The following SPIRE1 variants were observed in gnomAD, a reference collection of about 807,000 sequenced individuals.
SPIRE1 encodes the protein protein spire homolog 1.
A neutral mutation model predicts 94.1 loss-of-function variants in SPIRE1; 40 were observed. The observed-to-expected ratio is 0.43, with a 90% CI of 0.33 to 0.55. The LOEUF is 0.55. SPIRE1 is among the 20% of genes least tolerant of loss of function. The pLI is 0.06. For synonymous variants in SPIRE1, 376 were observed against 371.7 expected, an observed-to-expected ratio of 1.01 and a Z score of -0.13; for missense variants, 838 against 975.2, an observed-to-expected ratio of 0.86 and a Z score of 1.87.
At chr18:12,521,730 A>C (rs914190778) in intron 4 of SPIRE1, among the ~76,000 whole-genome samples, 1 of 152,078 alleles carries the variant, frequency 6.6e-6, no homozygotes, top group Non-Finnish European at 1.5e-5. Context: ...CTCACTTTGT[A>C]TCTTTCTGTC....
rs114218891 is a variant in SPIRE1 at position 12,534,691 on chromosome 18, C to T, written c.729+785G>A. Among the ~76,000 whole-genome samples, 1,171 of 152,276 alleles carry T rather than the reference C, an allele frequency of 7.7e-3. 22 individuals carry two copies. The highest frequency in any genetic ancestry group is 0.026 in the African/African-American group (1,079 of 41,566). The stretch of plus-strand genomic sequence containing the variant: ...CTGTGCTGCTGGAATAACAGGGTCT[C>T]CAGCTTGCAGACACCCTGTCATGGG... On this transcript the variant is annotated intron_variant, in intron 4 of 16. Transcript: ENST00000409402.
At chr18:12,501,930 C>T (rs189636201) in intron 6 of SPIRE1, among the ~76,000 whole-genome samples, 5 of 152,318 alleles carry the variant, frequency 3.3e-5, no homozygotes, top group African/African-American at 1.2e-4. Flanking sequence ...CCACTGCACT[C>T]CAGCCCAGGC....
At chr18:12,492,989 CTT>C (rs2033295057) in intron 8 of SPIRE1, 81 bp downstream of exon 8, 1 of 1,460,056 alleles carries the variant, frequency 6.8e-7, no homozygotes, top group African/African-American at 1.4e-5. Flanking sequence ...AATGAGAACT[CTT>C]TACTTTCATG....
intron 12 of SPIRE1, among the ~76,000 whole-genome samples, chr18:12,461,962 A>G (rs1720303965): frequency 6.6e-6 from 1 of 152,180 alleles, no homozygotes; most frequent in Non-Finnish European, 1.5e-5. Flanking sequence ...TTGTGATAAT[A>G]GCTGTATATT....
In SPIRE1 at chr18:12,513,457, G is replaced by C. The variant is rs938943933; in HGVS notation, c.730-926C>G. ...GTTTAAATGCACTGTATGAAATCTA[G>C]CTTGTTTTATATGAGAATAATGAAT... is the stretch of plus-strand genomic sequence containing the variant. On this transcript the variant is annotated intron_variant, in intron 4 of 16. Coordinates refer to ENST00000409402, the MANE Select transcript of SPIRE1 (RefSeq NM_001128626.2). 3.3e-5 allele frequency among the ~76,000 whole-genome samples: 5 copies of C among 151,732 alleles called. No homozygotes were observed. In the East Asian group the frequency reaches 7.7e-4, roughly 23 times the overall value.
At chr18:12,547,127 T>C (rs1408709123) in intron 2 of SPIRE1, among the ~76,000 whole-genome samples, 1 of 152,196 alleles carries the variant, frequency 6.6e-6, no homozygotes, top group African/African-American at 2.4e-5. Flanking sequence ...TTCCCAAAGG[T>C]ATTTCTGAGA....
intron 7 of SPIRE1, among the ~76,000 whole-genome samples, chr18:12,494,590 G>A (rs541873289): frequency 1.3e-4 from 19 of 151,930 alleles, no homozygotes; most frequent in South Asian, 2.1e-4. Context: ...AGCACTTTGG[G>A]AGGCCGAGGT....
chr18:12,635,053 T>A lies in SPIRE1; in HGVS notation c.372+9A>T, dbSNP rs1289265656. On this transcript the variant is annotated intron_variant, in intron 2 of 16. Transcript: ENST00000409402. ...GCTTTACTAAGAAATATTTGAGTAT[T>A]TCACTTACCTCTGTTTCCATACATT... 1 of 1,438,978 alleles carries A rather than the reference T, an allele frequency of 6.9e-7. No individual in the cohort carries two copies. Among genetic ancestry groups the A allele is most frequent in the Non-Finnish European group, 9.5e-7 (1 of 1,047,760 alleles). 89.1% of individuals were successfully genotyped at this position (1,438,978 alleles called of 1,614,324 possible). A position where few individuals can be genotyped will look rare whatever the true frequency, so the allele number is the denominator to read the frequency against.
At chr18:12,518,958 A>G (rs1278280976) in intron 4 of SPIRE1, among the ~76,000 whole-genome samples, 5 of 152,218 alleles carry the variant, frequency 3.3e-5, no homozygotes, top group African/African-American at 9.6e-5. Flanking sequence ...AAAAAGTTAT[A>G]GCAGTTGTTC....
At chr18:12,533,044 G>A (rs1233208708) in intron 4 of SPIRE1, among the ~76,000 whole-genome samples, 2 of 152,230 alleles carry the variant, frequency 1.3e-5, no homozygotes, top group South Asian at 2.1e-4. Flanking sequence ...AGGGGAACAA[G>A]TGTTGTCAGA....
intron 2 of SPIRE1, among the ~76,000 whole-genome samples, chr18:12,598,410 A>G (rs1308077661): frequency 1.3e-5 from 2 of 152,226 alleles, no homozygotes; most frequent in Non-Finnish European, 2.9e-5. Flanking sequence ...GCTTTCTGGC[A>G]GTATCTGTCC....
At chr18:12,591,620 A>G (rs1462247184) in intron 2 of SPIRE1, among the ~76,000 whole-genome samples, 1 of 152,198 alleles carries the variant, frequency 6.6e-6, no homozygotes, top group Non-Finnish European at 1.5e-5. Flanking sequence ...TTGCTAATAC[A>G]TTGACTGTTA....
chr18:12,487,095 T>C (rs2033065400), intron 8 of SPIRE1, among the ~76,000 whole-genome samples: 1 of 152,208 alleles, frequency 6.6e-6, no homozygotes, highest in Non-Finnish European at 1.5e-5. Flanking sequence ...TCAGGTAATC[T>C]ACATGCCTCG....
chr18:12,632,920 T>C (rs988114006), intron 2 of SPIRE1, among the ~76,000 whole-genome samples: 4 of 152,216 alleles, frequency 2.6e-5, no homozygotes, highest in Admixed American at 6.5e-5. Context: ...AAAATCTTCA[T>C]ATTTCATTAC....
At chr18:12,562,961 A>G (rs918480900) in intron 2 of SPIRE1, among the ~76,000 whole-genome samples, 2 of 152,182 alleles carry the variant, frequency 1.3e-5, no homozygotes, top group African/African-American at 4.8e-5. Flanking sequence ...AGATGCAATT[A>G]ATTTTAGAGT....
intron 2 of SPIRE1, among the ~76,000 whole-genome samples, chr18:12,596,108 A>G (rs1176104509): frequency 6.6e-6 from 1 of 152,250 alleles, no homozygotes; most frequent in African/African-American, 2.4e-5. Context: ...CTAGGTTGTC[A>G]AGGGCAGATC....
chr18:12,560,575 G>C (rs975908070), intron 2 of SPIRE1, among the ~76,000 whole-genome samples: 2 of 152,208 alleles, frequency 1.3e-5, no homozygotes, highest in African/African-American at 4.8e-5. Flanking sequence ...GAAAGGCTGA[G>C]TGTGGTGGCT....
chr18:12,618,080 C>A (rs1207237616), intron 2 of SPIRE1, among the ~76,000 whole-genome samples: 2 of 151,986 alleles, frequency 1.3e-5, no homozygotes, highest in Non-Finnish European at 2.9e-5. Context: ...ATAACAGGTT[C>A]AAACTATAAG....
At chr18:12,469,772 A>G (rs2032277091) in intron 10 of SPIRE1, among the ~76,000 whole-genome samples, 1 of 146,218 alleles carries the variant, frequency 6.8e-6, no homozygotes, top group South Asian at 2.1e-4. Context: ...ACACATATAC[A>G]CTTTACGAGG....
Sources: gnomAD v4.1 joint callset for allele counts (sites outside exome capture counted in the v4.1 genomes callset) on GRCh38, gnomAD v4.1.1 for gene constraint, MANE v1.5 for transcripts, NCBI Gene and HGNC (gene_info 2026-07-23, HGNC 2026-07-21) for gene names.